Variants in MINDY4 observed in about 807,000 individuals in gnomAD.
MINDY4 encodes the protein MINDY lysine 48 deubiquitinase 4, also known as probable ubiquitin carboxyl-terminal hydrolase MINDY-4.
MINDY4 carries 68 observed loss-of-function variants against 87.0 expected under a neutral mutation model. The observed-to-expected ratio is 0.78, with a 90% confidence interval of 0.64 to 0.96. MINDY4 has a LOEUF of 0.96. MINDY4 is among the 40% of genes least tolerant of loss of function. The pLI, the probability that MINDY4 is intolerant of heterozygous loss-of-function variation, is 0.00. For missense variants in MINDY4, 919 were observed against 928.2 expected, an observed-to-expected ratio of 0.99 and a Z score of 0.13; for synonymous variants, 379 against 363.2, an observed-to-expected ratio of 1.04 and a Z score of -0.50.
At position 30,791,338 on chromosome 7, in the gene MINDY4, C is replaced by T. The variant is rs181084371; in HGVS notation, c.837C>T (p.Thr279=). 2.8e-3 allele frequency: 4,452 copies of T among 1,614,094 alleles called. 11 individuals are homozygous for T. Among genetic ancestry groups the T allele is most frequent in the East Asian group, 4.6e-3 (207 of 44,868 alleles). ...RTSLGQLSEL[T]VERQKTTASS... ...CCCTGGGTCAGCTTAGTGAACTGAC[C>T]GTAGAAAGGCAGAAAACCACTGCCA... Residue 279 remains threonine (T), a synonymous_variant, in exon 5 of 18, where the codon ACC becomes ACT. Transcript: ENST00000265299.
At chr7:30,886,843 C>G (rs1412487449) in intron 17 of MINDY4, among the ~76,000 whole-genome samples, 1 of 152,180 alleles carries the variant, frequency 6.6e-6, no homozygotes, top group Non-Finnish European at 1.5e-5. Context: ...GTCCCCTGCC[C>G]CCTCCCACTG....
intron 3 of MINDY4, among the ~76,000 whole-genome samples, chr7:30,785,006 C>T (rs1248461175): frequency 6.6e-6 from 1 of 151,940 alleles, no homozygotes; most frequent in East Asian, 1.9e-4. Context: ...CTAGGTCTCT[C>T]ACTTTGTCTC....
intron 15 of MINDY4, 145 bp downstream of exon 15, chr7:30,875,801 G>A: frequency 1.2e-6 from 1 of 868,512 alleles, no homozygotes; most frequent in South Asian, 1.8e-5. Flanking sequence ...GGCTTGGGAA[G>A]AAGTACAGCT....
chr7:30,771,671 C>A, intron 1 of MINDY4, 115 bp downstream of exon 1: 1 of 990,928 alleles, frequency 1.0e-6, no homozygotes, highest in Non-Finnish European at 1.5e-6. Context: ...TACCTACTGC[C>A]TGCTCCAGAG....
At chr7:30,816,066 C>G (rs956307286) in intron 5 of MINDY4, among the ~76,000 whole-genome samples, 1 of 152,060 alleles carries the variant, frequency 6.6e-6, no homozygotes, top group African/African-American at 2.4e-5. Flanking sequence ...CAGGATTAGA[C>G]TAGATGGTCT....
chr7:30,837,221 T>A (rs778287143), intron 7 of MINDY4, among the ~76,000 whole-genome samples: 3 of 152,154 alleles, frequency 2.0e-5, no homozygotes, highest in African/African-American at 7.2e-5. Flanking sequence ...GGCCCCGTGG[T>A]CACAGGGGAC....
intron 9 of MINDY4, among the ~76,000 whole-genome samples, chr7:30,844,349 C>T (rs1171964458): frequency 6.6e-6 from 1 of 152,074 alleles, no homozygotes; most frequent in African/African-American, 2.4e-5. Context: ...GCCCAGAGAC[C>T]GTCTCCCCTG....
At chr7:30,828,883 C>T (rs1277386843) in intron 6 of MINDY4, 146 bp downstream of exon 6, 4 of 687,516 alleles carry the variant, frequency 5.8e-6, no homozygotes, top group Non-Finnish European at 1.0e-5. Flanking sequence ...GAGTAGACTA[C>T]TCTCTCTCTG....
chr7:30,798,750 G>T (rs185099164), intron 5 of MINDY4, among the ~76,000 whole-genome samples: 1 of 152,070 alleles, frequency 6.6e-6, no homozygotes, highest in Non-Finnish European at 1.5e-5. Flanking sequence ...CGCCCGCCTC[G>T]GCCTCTCAAA....
intron 5 of MINDY4, among the ~76,000 whole-genome samples, chr7:30,799,640 T>G (rs1397701803): frequency 6.6e-6 from 1 of 152,172 alleles, no homozygotes; most frequent in East Asian, 1.9e-4. Context: ...TCTGGGAACT[T>G]TTTAGAAACA....
rs907158561 is a variant in MINDY4, at chr7:30,852,268, G to A, written c.1600G>A (p.Val534Ile). Reference sequence around the variant, plus strand: ...AACAGGGAAATACAAAGCAGATGGAGTCTTAGAAACAGTACGACTTTCTGG... The same window carrying A: ...AACAGGGAAATACAAAGCAGATGGAATCTTAGAAACAGTACGACTTTCTGG... ...SPTGKYKADG[V>I]LETLTLHSLT... The change falls in exon 11 of 18, where the codon GTC becomes ATC. Residue 534 changes from valine (V) to isoleucine (I), a missense_variant. Physicochemically the swap from Val to Ile is conservative, Grantham distance 29 (BLOSUM62 3). Transcript: ENST00000265299. 6.2e-7 allele frequency: 1 copy of A among 1,614,026 alleles called. No individual in the cohort carries two copies. The highest frequency in any genetic ancestry group is 1.3e-5 in the African/African-American group (1 of 74,930).
At chr7:30,787,937 T>C (rs1391755720) in intron 4 of MINDY4, among the ~76,000 whole-genome samples, 1 of 152,202 alleles carries the variant, frequency 6.6e-6, no homozygotes, top group Non-Finnish European at 1.5e-5. Flanking sequence ...GTTAAAAATA[T>C]TTACTTACAA....
intron 5 of MINDY4, among the ~76,000 whole-genome samples, chr7:30,801,544 C>T (rs527277300): frequency 1.3e-5 from 2 of 152,120 alleles, no homozygotes; most frequent in East Asian, 3.9e-4. Flanking sequence ...CACATTTTAC[C>T]CTATACATGT....
At chr7:30,851,401 A>G (rs149846974) in intron 10 of MINDY4, among the ~76,000 whole-genome samples, 134 of 152,356 alleles carry the variant, frequency 8.8e-4, no homozygotes, top group African/African-American at 3.0e-3. Context: ...TGTGAGACCT[A>G]AATGAGTCAG....
intron 9 of MINDY4, among the ~76,000 whole-genome samples, chr7:30,841,364 C>T (rs1386149752): frequency 6.6e-6 from 1 of 152,262 alleles, no homozygotes. Flanking sequence ...ATTCCTGGAA[C>T]ATCTCTGTGC....
At chr7:30,831,383 T>A (rs2128563651) in intron 6 of MINDY4, among the ~76,000 whole-genome samples, 2 of 152,236 alleles carry the variant, frequency 1.3e-5, no homozygotes, top group Admixed American at 1.3e-4. Context: ...GCCTTAGTCA[T>A]CTCTTACCTC....
At chr7:30,853,498 T>C in intron 12 of MINDY4, 39 bp downstream of exon 12, 2 of 1,511,890 alleles carry the variant, frequency 1.3e-6, no homozygotes, top group Non-Finnish European at 1.8e-6. Flanking sequence ...TGTGCGTCAC[T>C]AAGCCTTCTG....
chr7:30,841,101 A>G (rs570019891), intron 9 of MINDY4, among the ~76,000 whole-genome samples: 1 of 151,176 alleles, frequency 6.6e-6, no homozygotes, highest in African/African-American at 2.5e-5. Context: ...CAGGAACGAC[A>G]TCAAAACCAA....
chr7:30,864,151 C>T (rs1375875635), intron 13 of MINDY4, among the ~76,000 whole-genome samples: 3 of 152,204 alleles, frequency 2.0e-5, no homozygotes, highest in East Asian at 3.9e-4. Context: ...CTTGAAAGTC[C>T]GGAAGAGGTG....
Sources: allele counts gnomAD v4.1 joint callset (sites outside exome capture counted in the v4.1 genomes callset), GRCh38; gene constraint gnomAD v4.1.1; transcripts MANE v1.5; gene names NCBI Gene and HGNC (gene_info 2026-07-23, HGNC 2026-07-21).